The following MSH4 variants were observed in gnomAD, a reference collection of about 807,000 sequenced individuals.
MSH4 encodes mutS protein homolog 4.
Under a neutral mutation model 113.7 loss-of-function variants are expected in MSH4, and 106 were observed. That is an observed-to-expected ratio of 0.93 (90% CI 0.80 to 1.10). The LOEUF (loss-of-function observed/expected upper bound fraction) is 1.10, where lower values mean the gene tolerates loss of function less well. Ranked by LOEUF, MSH4 falls within the 50% of genes least tolerant of loss-of-function variation. The pLI, the probability that MSH4 is intolerant of heterozygous loss-of-function variation, is 0.00. For missense variants in MSH4, 1,061 were observed against 1,093.7 expected, an observed-to-expected ratio of 0.97 and a Z score of 0.42; for synonymous variants, 368 against 380.2, an observed-to-expected ratio of 0.97 and a Z score of 0.37.
At position 75,886,395 on chromosome 1, in the gene MSH4, ATG is replaced by A. The variant is rs1491236143; in HGVS notation, c.2107+2576_2107+2577del. Among the ~76,000 whole-genome samples, 24 of 112,862 alleles carry A rather than the reference ATG, an allele frequency of 2.1e-4. 2 individuals carry two copies. Among genetic ancestry groups the A allele is most frequent in the African/African-American group, 8.4e-4 (22 of 26,096 alleles). The allele number at this position is 112,862 out of a possible 152,430, so 74.0% of individuals were successfully genotyped here. On this transcript the variant is annotated intron_variant, in intron 15 of 19. Transcript: ENST00000263187. The stretch of plus-strand genomic sequence containing the variant: ...TTATATATTATATATGGTATATATG[ATG>A]TATTATATATTATATATGGTATATA...
chr1:75,821,268 A>G (rs1043942379), intron 6 of MSH4, among the ~76,000 whole-genome samples: 9 of 152,164 alleles, frequency 5.9e-5, no homozygotes, highest in African/African-American at 2.2e-4. Flanking sequence ...AAACCGCTCA[A>G]CTACATAGAA....
At chr1:75,882,030 C>T (rs76474497) in intron 14 of MSH4, among the ~76,000 whole-genome samples, 1 of 151,958 alleles carries the variant, frequency 6.6e-6, no homozygotes, top group African/African-American at 2.4e-5. Context: ...TAATGTAAAT[C>T]AGCAGTAAAA....
chr1:75,880,673 T>G (rs1445620469), intron 13 of MSH4, among the ~76,000 whole-genome samples: 3 of 152,088 alleles, frequency 2.0e-5, no homozygotes, highest in Admixed American at 1.3e-4. Flanking sequence ...TAGTAAGTTT[T>G]GGGTACATAT....
intron 18 of MSH4, among the ~76,000 whole-genome samples, chr1:75,898,793 A>G (rs1652440774): frequency 6.6e-6 from 1 of 152,172 alleles, no homozygotes; most frequent in Admixed American, 6.5e-5. Flanking sequence ...TATTTTAGCT[A>G]TGGATATGAC....
intron 8 of MSH4, among the ~76,000 whole-genome samples, chr1:75,848,518 G>A (rs944966641): frequency 6.6e-6 from 1 of 152,120 alleles, no homozygotes; most frequent in African/African-American, 2.4e-5. Flanking sequence ...CCAACACTTT[G>A]GGAGGTCAAG....
In MSH4 at chr1:75,883,690, C is replaced by G; in HGVS notation, c.1976C>G (p.Ala659Gly). ...GWHPILEKIS[A>G]EKPIANNTYV... ...CATCCTATTCTTGAAAAAATATCTGCGGAAAAACCTATTGCCAACAATACC... is the reference window on the plus strand; with the variant it reads ...CATCCTATTCTTGAAAAAATATCTGGGGAAAAACCTATTGCCAACAATACC... Residue 659 changes from alanine to glycine, a missense_variant, in exon 15 of 20, where the codon GCG becomes GGG. Ala to Gly is a moderately conservative substitution (Grantham distance 60). Transcript: ENST00000263187. 1 of 1,613,054 alleles carries G rather than the reference C, an allele frequency of 6.2e-7. No homozygotes were observed. The highest frequency in any genetic ancestry group is 1.7e-4 in the Middle Eastern group (1 of 6,048).
chr1:75,833,584 A>G (rs1472970819), intron 7 of MSH4, among the ~76,000 whole-genome samples: 1 of 152,194 alleles, frequency 6.6e-6, no homozygotes, highest in East Asian at 1.9e-4. Context: ...GTACCAAAAC[A>G]TATATAGACC....
At chr1:75,869,962 A>G (rs1325883584) in intron 9 of MSH4, among the ~76,000 whole-genome samples, 1 of 152,182 alleles carries the variant, frequency 6.6e-6, no homozygotes, top group Non-Finnish European at 1.5e-5. Context: ...TGCACCTGGA[A>G]AAGCCACAGA....
chr1:75,881,499 A>G, intron 14 of MSH4, 129 bp downstream of exon 14: 1 of 867,614 alleles, frequency 1.2e-6, no homozygotes. Context: ...CTGGTCCTAG[A>G]CTAAGACACA....
chr1:75,856,458 C>T (rs1651320554), intron 8 of MSH4, among the ~76,000 whole-genome samples: 1 of 152,134 alleles, frequency 6.6e-6, no homozygotes. Flanking sequence ...CCCCGACAGG[C>T]CCCGGTGTGT....
intron 7 of MSH4, among the ~76,000 whole-genome samples, chr1:75,842,375 G>C (rs1047564249): frequency 6.6e-6 from 1 of 152,078 alleles, no homozygotes; most frequent in Admixed American, 6.6e-5. Context: ...TGGAAAGAAA[G>C]GAAGGAAAAC....
intron 1 of MSH4, among the ~76,000 whole-genome samples, chr1:75,801,830 A>G (rs142285254): frequency 6.6e-6 from 1 of 152,160 alleles, no homozygotes; most frequent in Non-Finnish European, 1.5e-5. Flanking sequence ...TGATCACACT[A>G]CTGCACTCCA....
chr1:75,799,531 A>G (rs1300008836), intron 1 of MSH4, among the ~76,000 whole-genome samples: 2 of 152,240 alleles, frequency 1.3e-5, no homozygotes, highest in Non-Finnish European at 2.9e-5. Context: ...GAGTAAGTGC[A>G]CCTTGAACTG....
intron 7 of MSH4, among the ~76,000 whole-genome samples, chr1:75,839,668 G>A (rs1000798262): frequency 5.9e-5 from 9 of 151,674 alleles, no homozygotes; most frequent in African/African-American, 2.2e-4. Context: ...ATTGACAAAT[G>A]GGATCTAATT....
At chr1:75,901,226 C>T (rs1270284091) in intron 19 of MSH4, among the ~76,000 whole-genome samples, 1 of 152,138 alleles carries the variant, frequency 6.6e-6, no homozygotes, top group South Asian at 2.1e-4. Context: ...ACTATAGTCA[C>T]CCTACTGAAC....
intron 8 of MSH4, among the ~76,000 whole-genome samples, chr1:75,848,878 C>T (rs956441111): frequency 7.9e-5 from 12 of 152,070 alleles, no homozygotes; most frequent in African/African-American, 2.7e-4. Flanking sequence ...TATATTAGAG[C>T]TAAAGATTCT....
rs542307224 is a variant in MSH4, at chr1:75,886,827, T to C, written c.2108-2424T>C. Among the ~76,000 whole-genome samples, 7 of 32,290 alleles carry C rather than the reference T, an allele frequency of 2.2e-4. No individual in the cohort carries two copies. In the East Asian group the frequency reaches 7.9e-3, roughly 36 times the overall value. 21.2% of individuals were successfully genotyped at this position (32,290 alleles called of 152,430 possible). The stretch of plus-strand genomic sequence containing the variant: ...ATATATATATACTCACACTGGTACA[T>C]ATATATATATATTATATATATATAT... On this transcript the variant is annotated intron_variant, in intron 15 of 19. Transcript: ENST00000263187.
chr1:75,900,617 G>T (rs1040504150), intron 19 of MSH4, among the ~76,000 whole-genome samples: 2 of 152,008 alleles, frequency 1.3e-5, no homozygotes, highest in African/African-American at 4.8e-5. Context: ...GCTTTACAGT[G>T]TTTTAAAAAT....
At chr1:75,823,915 T>C (rs1304995164) in intron 7 of MSH4, among the ~76,000 whole-genome samples, 1 of 152,216 alleles carries the variant, frequency 6.6e-6, no homozygotes, top group East Asian at 1.9e-4. Context: ...TTTGCTATTG[T>C]AAATAGTGCT....
Sources: allele counts gnomAD v4.1 joint callset (sites outside exome capture counted in the v4.1 genomes callset), GRCh38; gene constraint gnomAD v4.1.1; transcripts MANE v1.5; gene names NCBI Gene and HGNC (gene_info 2026-07-23, HGNC 2026-07-21).